RSF1: variants seen among roughly 807,000 people sequenced by gnomAD.
The protein encoded by RSF1 is remodeling and spacing factor 1.
A neutral mutation model predicts 145.2 loss-of-function variants in RSF1; 13 were observed. That is an observed-to-expected ratio of 0.09 (90% CI 0.06 to 0.14). RSF1 has a LOEUF of 0.14. RSF1 is among the 10% of genes least tolerant of loss of function. The pLI, the probability that RSF1 is intolerant of heterozygous loss-of-function variation, is 1.00. For missense variants in RSF1, 1,517 were observed against 1,718.2 expected (o/e 0.88, Z 2.07); for synonymous variants, 577 against 592.6 (o/e 0.97, Z 0.38).
chr11:77,732,157 G>C (rs1013726127), intron 4 of RSF1, among the ~76,000 whole-genome samples: 1 of 152,232 alleles, frequency 6.6e-6, no homozygotes, highest in Non-Finnish European at 1.5e-5. Flanking sequence ...ACCCAGATGT[G>C]AGACAGTCAA....
intron 2 of RSF1, among the ~76,000 whole-genome samples, chr11:77,757,968 A>G (rs1948132158): frequency 6.6e-6 from 1 of 150,794 alleles, no homozygotes. Context: ...TGTCTCTAAA[A>G]TTAAAAATTA....
chr11:77,807,039 A>G (rs9666037), intron 1 of RSF1, among the ~76,000 whole-genome samples: 151,904 of 152,368 alleles, frequency 1, 75,727 homozygotes, highest in East Asian at 1. Context: ...CTGGCATGTT[A>G]CCTTTATTTA....
intron 5 of RSF1, among the ~76,000 whole-genome samples, chr11:77,715,977 A>G (rs911642874): frequency 3.9e-5 from 6 of 152,120 alleles, no homozygotes; most frequent in South Asian, 4.1e-4. Flanking sequence ...TTTGATCCCC[A>G]TCCATAAGTT....
At chr11:77,689,819 AT>A (rs1238899937) in intron 9 of RSF1, among the ~76,000 whole-genome samples, 1 of 152,200 alleles carries the variant, frequency 6.6e-6, no homozygotes, top group Non-Finnish European at 1.5e-5. Flanking sequence ...CTGATTATGA[AT>A]CCCCTTTTAA....
In RSF1 at chr11:77,678,069, G is replaced by C; in HGVS notation, c.3133+17C>G. The C allele has an allele frequency of 1.2e-6, 2 of 1,601,176 alleles. No homozygotes were observed. Among genetic ancestry groups the C allele is most frequent in the Non-Finnish European group, 1.7e-6 (2 of 1,168,986 alleles). ...TTGGCAGAGTTCTATGAAGAAGAGAGAACGACAAACACATACCTCCTCCAT... is the reference window on the plus strand; with the variant it reads ...TTGGCAGAGTTCTATGAAGAAGAGACAACGACAAACACATACCTCCTCCAT... On this transcript the variant is annotated intron_variant, in intron 12 of 15. Coordinates refer to ENST00000308488, the MANE Select transcript of RSF1 (RefSeq NM_016578.4).
chr11:77,814,397 G>A (rs1327958234), intron 1 of RSF1, among the ~76,000 whole-genome samples: 4 of 152,050 alleles, frequency 2.6e-5, no homozygotes, highest in African/African-American at 4.8e-5. Flanking sequence ...CAACTACTCG[G>A]GAGGTTGGGG....
chr11:77,790,955 G>C (rs1490860680), intron 1 of RSF1, among the ~76,000 whole-genome samples: 1 of 152,166 alleles, frequency 6.6e-6, no homozygotes, highest in African/African-American at 2.4e-5. Context: ...AGCTCTCAGT[G>C]GATCTACCAT....
the RSF1 span, among the ~76,000 whole-genome samples, chr11:77,832,769 G>A: frequency 6.6e-6 from 1 of 150,796 alleles, no homozygotes; most frequent in Non-Finnish European, 1.5e-5. Flanking sequence ...TGTATACCCA[G>A]GCTTATAGTG....
At chr11:77,823,075 G>A (rs977727443), upstream of RSF1, among the ~76,000 whole-genome samples, 23 of 151,934 alleles carry the variant, frequency 1.5e-4, no homozygotes, top group Non-Finnish European at 1.3e-4. Flanking sequence ...TTAGCCGGGC[G>A]TGGTGGCGGC....
chr11:77,676,913 T>G lies in RSF1; in HGVS notation c.3220A>C (p.Asn1074His), dbSNP rs755651451. Residue 1074 changes from asparagine to histidine, a missense_variant, in exon 13 of 16, where the codon AAT (asparagine) becomes CAT (histidine). Asn to His is a moderately conservative substitution (Grantham distance 68). Coordinates refer to ENST00000308488, the MANE Select transcript of RSF1 (RefSeq NM_016578.4). ...GCAGCTGCCCTCTGGGGTCGTTTATTTTCTTTTCTTTCTTCATCCAAAATA... is the reference window on the plus strand; with the variant it reads ...GCAGCTGCCCTCTGGGGTCGTTTATGTTCTTTTCTTTCTTCATCCAAAATA... ...STILDEERKENKRPQRAAAAR... is the reference protein window; with the variant it reads ...STILDEERKEHKRPQRAAAAR... 4.3e-6 allele frequency: 7 copies of G among 1,614,122 alleles called. No individual in the cohort carries two copies. Among genetic ancestry groups the G allele is most frequent in the Non-Finnish European group, 5.9e-6 (7 of 1,179,994 alleles).
the RSF1 span, chr11:77,830,132 A>C: frequency 6.6e-6 from 1 of 152,280 alleles, no homozygotes; most frequent in Non-Finnish European, 1.5e-5. Context: ...CTGTACCTAA[A>C]AGAAGAAAAG....
At chr11:77,692,270 A>G (rs1236463465) in intron 8 of RSF1, among the ~76,000 whole-genome samples, 97 of 20,854 alleles carry the variant, frequency 4.7e-3, no homozygotes, top group African/African-American at 0.025. Context: ...TTTGAGACGG[A>G]GTCTCGCTCT....
At chr11:77,827,816 A>G in the RSF1 span, among the ~76,000 whole-genome samples, 1 of 152,236 alleles carries the variant, frequency 6.6e-6, no homozygotes, top group South Asian at 2.1e-4. Context: ...TTGGCATGGA[A>G]GAAGTAAAAC....
At position 77,797,701 on chromosome 11, in the gene RSF1, AAACTATCAT is replaced by A. The variant is rs575399123; in HGVS notation, c.187+22818_187+22826del. Among the ~76,000 whole-genome samples, 273 of 152,358 alleles carry A rather than the reference AAACTATCAT, an allele frequency of 1.8e-3. 1 individual carries two copies. The highest frequency in any genetic ancestry group is 5.6e-3 in the South Asian group (27 of 4,830). On this transcript the variant is annotated intron_variant, in intron 1 of 15. Coordinates refer to ENST00000308488, the MANE Select transcript of RSF1 (RefSeq NM_016578.4). ...CTAAAGAGCTTCTTCACAGCAAAAG[AAACTATCAT>A]CAGAGTGAACAGGCAACCCATAGAA... is the stretch of plus-strand genomic sequence containing the variant.
intron 2 of RSF1, chr11:77,762,022 C>CTTTTTTTT (rs1554994575): frequency 1.2e-5 from 1 of 80,256 alleles, no homozygotes; most frequent in Non-Finnish European, 2.3e-5. Context: ...ATTTTCTTTT[C>CTTTTTTTT]TTTTCTTTTT....
chr11:77,775,181 G>A (rs1232141159), intron 1 of RSF1, among the ~76,000 whole-genome samples: 1 of 151,542 alleles, frequency 6.6e-6, no homozygotes. Flanking sequence ...CCGGGAGGCA[G>A]AGGTTGCAGT....
In RSF1 at chr11:77,701,846, C is replaced by G; in HGVS notation, c.1383G>C (p.Glu461Asp). ...VAPNFKTEPI[E>D]TKFYETKEES... ...CTTCCTTTGTCTCATAAAACTTTGT[C>G]TCTATTGGTTCTGTCTTAAAATTTG... Residue 461 changes from glutamate to aspartate, a missense_variant, in exon 6 of 16, where the codon GAG (glutamate) becomes GAC (aspartate). Physicochemically the swap from Glu to Asp is conservative, Grantham distance 45. This residue lies in a region of RSF1 where 579 missense variants were observed against 553.5 expected (regional missense o/e 1.05). Coordinates refer to ENST00000308488, the MANE Select transcript of RSF1 (RefSeq NM_016578.4). 1 of 1,614,068 alleles carries G rather than the reference C, an allele frequency of 6.2e-7. No homozygotes were observed.
chr11:77,674,247 A>G (rs182237395), intron 14 of RSF1, among the ~76,000 whole-genome samples: 13 of 152,342 alleles, frequency 8.5e-5, no homozygotes, highest in South Asian at 2.1e-4. Context: ...TCTGATACTC[A>G]TATCTATGGT....
chr11:77,728,743 T>C (rs918318044), intron 4 of RSF1, among the ~76,000 whole-genome samples: 10 of 151,936 alleles, frequency 6.6e-5, no homozygotes, highest in South Asian at 2.1e-4. Context: ...CACAGAAAGA[T>C]TGGTGGTTGT....
Sources: allele counts gnomAD v4.1 joint callset (sites outside exome capture counted in the v4.1 genomes callset), GRCh38; gene constraint gnomAD v4.1.1; regional missense constraint gnomAD v4.1.1; transcripts MANE v1.5; gene names NCBI Gene and HGNC (gene_info 2026-07-23, HGNC 2026-07-21).